APOO: variants seen among roughly 807,000 people sequenced by gnomAD.
APOO encodes MICOS complex subunit MIC26.
In APOO, 11 loss-of-function variants were observed where a neutral mutation model predicts 23.1. The ratio of observed to expected loss-of-function variants is 0.48; its 90% CI spans 0.30 to 0.79. The LOEUF is 0.79. Among genes scored for constraint, APOO ranks in the 30% least tolerant of loss-of-function variants. The pLI is 0.07. For missense variants in APOO, 160 were observed against 142.7 expected (o/e 1.12, Z -0.62); for synonymous variants, 59 against 54.8 (o/e 1.08, Z -0.34).
intron 5 of APOO, among the ~76,000 whole-genome samples, chrX:23,862,601 C>A (rs1186682130): frequency 4.8e-5 from 5 of 103,972 alleles, no homozygotes; most frequent in African/African-American, 1.8e-4. Context: ...CATGGTGACA[C>A]CCGGTCTCCA....
chrX:23,855,568 C>A (rs1924747577), intron 7 of APOO, among the ~76,000 whole-genome samples: 2 of 110,966 alleles, frequency 1.8e-5, no homozygotes, highest in South Asian at 7.5e-4. Flanking sequence ...TATAAGAAGT[C>A]TAATTCTTCC....
At chrX:23,855,372 G>T (rs1924737515) in intron 7 of APOO, among the ~76,000 whole-genome samples, 1 of 110,851 alleles carries the variant, frequency 9.0e-6, no homozygotes. Context: ...AATAAAGAGG[G>T]CTTATAATTT....
chrX:23,904,891 T>C (rs1003408280), intron 1 of APOO, among the ~76,000 whole-genome samples: 3 of 111,330 alleles, frequency 2.7e-5, no homozygotes, highest in African/African-American at 3.3e-5. Context: ...ATTTAAGCAG[T>C]TGGGTTTTCC....
intron 1 of APOO, among the ~76,000 whole-genome samples, chrX:23,881,999 C>T (rs909687172): frequency 5.7e-5 from 6 of 106,150 alleles, no homozygotes; most frequent in African/African-American, 2.1e-4. Context: ...CTGCGAAGGC[C>T]GTGGCAGTTT....
chrX:23,851,553 G>A (rs1476253901), intron 7 of APOO, among the ~76,000 whole-genome samples: 1 of 112,048 alleles, frequency 8.9e-6, no homozygotes, highest in Admixed American at 9.5e-5. Flanking sequence ...TTATAGTGTT[G>A]GATTTTAAAC....
At chrX:23,854,036 A>G (rs191032607) in intron 7 of APOO, among the ~76,000 whole-genome samples, 15 of 112,241 alleles carry the variant, frequency 1.3e-4, no homozygotes, top group African/African-American at 4.8e-4. Flanking sequence ...GACTCTGAAG[A>G]AGGCAAGGGT....
At chrX:23,873,592 G>C (rs1925714532) in intron 4 of APOO, among the ~76,000 whole-genome samples, 1 of 107,239 alleles carries the variant, frequency 9.3e-6, no homozygotes, top group Non-Finnish European at 1.9e-5. Flanking sequence ...GGGTGACAGA[G>C]TGATATTTTG....
At chrX:23,857,440 C>G (rs1319533849) in intron 6 of APOO, among the ~76,000 whole-genome samples, 1 of 110,986 alleles carries the variant, frequency 9.0e-6, no homozygotes, top group Non-Finnish European at 1.9e-5. Flanking sequence ...GGGGCTGGAG[C>G]AGGGACAGAA....
intron 1 of APOO, among the ~76,000 whole-genome samples, chrX:23,905,409 C>CAAT (rs996659160): frequency 1.2e-4 from 13 of 108,828 alleles, no homozygotes; most frequent in South Asian, 4.0e-4. Flanking sequence ...ATAATGATAA[C>CAAT]AATAATAATA....
intron 5 of APOO, among the ~76,000 whole-genome samples, chrX:23,863,722 G>A (rs370965390): frequency 1.4e-4 from 15 of 110,749 alleles, no homozygotes; most frequent in East Asian, 8.5e-4. Context: ...GGAAAAGGGG[G>A]CTTAAACCCA....
intron 1 of APOO, among the ~76,000 whole-genome samples, chrX:23,903,021 G>C (rs181057440): frequency 2.7e-5 from 3 of 111,856 alleles, no homozygotes; most frequent in African/African-American, 9.7e-5. Context: ...CTACCGATTG[G>C]CTTCAATTCT....
intron 1 of APOO, among the ~76,000 whole-genome samples, chrX:23,900,288 A>G (rs1015148902): frequency 8.9e-6 from 1 of 111,831 alleles, no homozygotes; most frequent in Non-Finnish European, 1.9e-5. Context: ...TTCGCATATT[A>G]TCTCAATTGA....
intron 1 of APOO, among the ~76,000 whole-genome samples, chrX:23,904,922 T>C (rs1283933988): frequency 2.7e-5 from 3 of 111,172 alleles, no homozygotes; most frequent in African/African-American, 9.8e-5. Context: ...CATCCTAACA[T>C]AGCCATTTCT....
intron 1 of APOO, among the ~76,000 whole-genome samples, chrX:23,895,998 A>G (rs1926887568): frequency 9.0e-6 from 1 of 110,964 alleles, no homozygotes; most frequent in South Asian, 3.8e-4. Flanking sequence ...GGCCGGGCGC[A>G]GTGGCTCATG....
At chrX:23,878,499 T>C (rs1925958375) in intron 3 of APOO, among the ~76,000 whole-genome samples, 1 of 111,775 alleles carries the variant, frequency 8.9e-6, no homozygotes, top group Non-Finnish European at 1.9e-5. Context: ...GGGTACGTAG[T>C]AGGTATATAC....
intron 7 of APOO, among the ~76,000 whole-genome samples, chrX:23,847,567 A>G (rs1924304182): frequency 2.7e-5 from 3 of 110,285 alleles, no homozygotes; most frequent in Admixed American, 9.7e-5. Context: ...CAGAGCTAGC[A>G]GTGAGCCGAG....
At chrX:23,851,274 A>C (rs907748735) in intron 7 of APOO, among the ~76,000 whole-genome samples, 1 of 109,632 alleles carries the variant, frequency 9.1e-6, no homozygotes, top group Non-Finnish European at 1.9e-5. Context: ...GCTCACTGTA[A>C]CCTCCACCTC....
intron 1 of APOO, among the ~76,000 whole-genome samples, chrX:23,903,213 CA>C (rs1017232354): frequency 1.8e-5 from 2 of 110,718 alleles, no homozygotes; most frequent in African/African-American, 6.6e-5. Context: ...ACTAAAGATA[CA>C]AAAAATTAGC....
chrX:23,853,715 T>A (rs1924655722), intron 7 of APOO, among the ~76,000 whole-genome samples: 1 of 109,962 alleles, frequency 9.1e-6, no homozygotes, highest in Non-Finnish European at 1.9e-5. Flanking sequence ...AAACTCTACC[T>A]CCTGGGCTCA....
Sources: gnomAD v4.1 joint callset for allele counts (sites outside exome capture counted in the v4.1 genomes callset) on GRCh38, gnomAD v4.1.1 for gene constraint, MANE v1.5 for transcripts, NCBI Gene and HGNC (gene_info 2026-07-23, HGNC 2026-07-21) for gene names.